MYO18B: variants seen among roughly 807,000 people sequenced by gnomAD.
MYO18B encodes myosin XVIIIB.
A neutral mutation model predicts 273.0 loss-of-function variants in MYO18B; 204 were observed. The ratio of observed to expected loss-of-function variants is 0.75; its 90% confidence interval spans 0.67 to 0.84. MYO18B has a LOEUF of 0.84. Among genes scored for constraint, MYO18B ranks in the 40% least tolerant of loss-of-function variants. The probability of loss-of-function intolerance (pLI) is 0.00; values close to 1 mark genes in which losing one functional copy is unlikely to be tolerated. For missense variants in MYO18B, 3,212 were observed against 3,287.6 expected, an observed-to-expected ratio of 0.98 and a Z score of 0.56; for synonymous variants, 1,330 against 1,305.7, an observed-to-expected ratio of 1.02 and a Z score of -0.40.
intron 11 of MYO18B, among the ~76,000 whole-genome samples, chr22:25,793,994 C>T (rs887765440): frequency 1.2e-3 from 176 of 149,854 alleles, no homozygotes; most frequent in African/African-American, 3.8e-3. Context: ...AGTGCTGTGG[C>T]GCGATCTCGG....
At chr22:25,977,807 C>T (rs1324887947) in intron 39 of MYO18B, among the ~76,000 whole-genome samples, 2 of 152,214 alleles carry the variant, frequency 1.3e-5, no homozygotes, top group African/African-American at 4.8e-5. Context: ...TTCCTCTCAT[C>T]AGTGACTCTT....
the MYO18B span, among the ~76,000 whole-genome samples, chr22:26,036,088 G>C: frequency 6.6e-6 from 1 of 152,322 alleles, no homozygotes; most frequent in African/African-American, 2.4e-5. Context: ...AGGGGAGACT[G>C]TTGTTGCAGC....
intron 17 of MYO18B, among the ~76,000 whole-genome samples, chr22:25,836,146 A>C (rs1377017973): frequency 6.6e-6 from 1 of 152,164 alleles, no homozygotes; most frequent in Non-Finnish European, 1.5e-5. Flanking sequence ...GGGGAGATGA[A>C]GGCGTGAAAC....
chr22:25,933,607 G>T (rs1233743986), intron 34 of MYO18B, among the ~76,000 whole-genome samples: 1 of 152,090 alleles, frequency 6.6e-6, no homozygotes, highest in Non-Finnish European at 1.5e-5. Context: ...TTAAAGTAAT[G>T]GCAAAAAGTA....
intron 42 of MYO18B, among the ~76,000 whole-genome samples, chr22:26,023,449 C>G (rs543745691): frequency 3.3e-5 from 5 of 151,784 alleles, no homozygotes; most frequent in East Asian, 1.9e-4. Context: ...TTTTTTCCCC[C>G]CTATGTTTTT....
chr22:25,869,586 T>C (rs758248048), intron 22 of MYO18B, among the ~76,000 whole-genome samples: 3 of 152,042 alleles, frequency 2.0e-5, no homozygotes, highest in Non-Finnish European at 4.4e-5. Flanking sequence ...GGTTGATGAA[T>C]GCCATCTAAG....
At chr22:25,838,238 G>A (rs763516989) in intron 17 of MYO18B, among the ~76,000 whole-genome samples, 4 of 151,776 alleles carry the variant, frequency 2.6e-5, no homozygotes, top group Non-Finnish European at 4.4e-5. Context: ...CACTCTTGTG[G>A]CCCAGGCTAG....
Position 25,913,614 on chromosome 22 carries a change from C to T in MYO18B, c.5364+2564C>T, listed in dbSNP as rs540021181. 9.2e-5 allele frequency among the ~76,000 whole-genome samples: 14 copies of T among 152,300 alleles called. No homozygotes were observed. In the South Asian group the frequency reaches 1.9e-3, roughly 20 times the overall value. On this transcript the variant is annotated intron_variant, in intron 33 of 43. Coordinates refer to ENST00000335473, the MANE Select transcript of MYO18B (RefSeq NM_032608.7). ...CGATCTCGTGACCTCGTGATCCACC[C>T]GCCTTGGCCTCCCAAAGTGCTGGGA...
intron 36 of MYO18B, among the ~76,000 whole-genome samples, chr22:25,948,447 CTTCCTTCCTTCCTTCTTTCT>C (rs1473913444): frequency 2.6e-5 from 3 of 115,448 alleles, no homozygotes; most frequent in South Asian, 5.5e-4. Context: ...TCCTTCCTTC[CTTCCTTCCTTCCTTCTTTCT>C]TTCTTTCTTT....
At chr22:25,923,291 T>C (rs2092375168) in intron 34 of MYO18B, among the ~76,000 whole-genome samples, 1 of 152,252 alleles carries the variant, frequency 6.6e-6, no homozygotes, top group Non-Finnish European at 1.5e-5. Context: ...CCCACCATCC[T>C]GACTTGTCTG....
At chr22:25,781,047 A>G (rs1040045161) in intron 9 of MYO18B, among the ~76,000 whole-genome samples, 3 of 152,240 alleles carry the variant, frequency 2.0e-5, no homozygotes, top group Non-Finnish European at 4.4e-5. Flanking sequence ...AAACCCCTTC[A>G]TGCCAAATAA....
intron 39 of MYO18B, among the ~76,000 whole-genome samples, chr22:25,980,016 C>T (rs546594541): frequency 1.6e-4 from 24 of 152,256 alleles, no homozygotes; most frequent in African/African-American, 5.3e-4. Flanking sequence ...AATGATCCAT[C>T]TAAAGTGGAT....
intron 42 of MYO18B, among the ~76,000 whole-genome samples, chr22:26,017,765 A>C (rs1271124247): frequency 6.6e-6 from 1 of 152,172 alleles, no homozygotes; most frequent in Non-Finnish European, 1.5e-5. Context: ...ATGCTTCTTT[A>C]GTCTCTTTTA....
intron 38 of MYO18B, 64 bp downstream of exon 38, chr22:25,952,487 T>G: frequency 6.3e-7 from 1 of 1,585,110 alleles, no homozygotes; most frequent in Non-Finnish European, 8.6e-7. Flanking sequence ...GTAAGCTTCA[T>G]CCATCCTTCT....
intron 16 of MYO18B, 93 bp downstream of exon 16, chr22:25,833,090 A>C: frequency 1.7e-6 from 2 of 1,209,572 alleles, no homozygotes; most frequent in African/African-American, 3.0e-5. Context: ...CTAGTTGTCA[A>C]TGCCGTGTGC....
intron 39 of MYO18B, among the ~76,000 whole-genome samples, chr22:25,971,008 G>T (rs1407280202): frequency 6.6e-6 from 1 of 152,234 alleles, no homozygotes; most frequent in South Asian, 2.1e-4. Flanking sequence ...GCAACTGGAT[G>T]CTCTGATCCA....
At chr22:25,830,873 A>G (rs16980831) in intron 15 of MYO18B, among the ~76,000 whole-genome samples, 41,426 of 152,170 alleles carry the variant, frequency 0.27, 5,999 homozygotes, top group African/African-American at 0.35. Flanking sequence ...CATTGTTACC[A>G]GACTCCCCAA....
At chr22:25,833,470 G>A (rs971139633) in intron 16 of MYO18B, among the ~76,000 whole-genome samples, 1 of 152,098 alleles carries the variant, frequency 6.6e-6, no homozygotes, top group Non-Finnish European at 1.5e-5. Flanking sequence ...GCGTTAGTTT[G>A]AGGGAAACTG....
At chr22:25,773,123 C>T (rs537774099) in intron 7 of MYO18B, among the ~76,000 whole-genome samples, 16 of 152,172 alleles carry the variant, frequency 1.1e-4, no homozygotes, top group Non-Finnish European at 2.4e-4. Flanking sequence ...AATCTCTAAG[C>T]GCCACCTTGT....
Sources: allele counts gnomAD v4.1 joint callset (sites outside exome capture counted in the v4.1 genomes callset), GRCh38; gene constraint gnomAD v4.1.1; transcripts MANE v1.5; gene names NCBI Gene and HGNC (gene_info 2026-07-23, HGNC 2026-07-21).